GAREM1: variants seen among roughly 807,000 people sequenced by gnomAD.
GAREM1 encodes GRB2 associated regulator of MAPK1 subtype 1.
In GAREM1, 26 loss-of-function variants were observed where a neutral mutation model predicts 71.3. The observed-to-expected ratio is 0.36, with a 90% CI of 0.27 to 0.51. GAREM1 has a LOEUF of 0.51. Ranked by LOEUF, GAREM1 falls within the 20% of genes least tolerant of loss-of-function variation. The pLI is 0.95. For missense variants in GAREM1, 1,026 were observed against 1,103.1 expected (o/e 0.93, Z 0.99); for synonymous variants, 440 against 433.2 (o/e 1.02, Z -0.20).
In GAREM1 at chr18:32,398,810, C is replaced by A. The variant is rs538844028; in HGVS notation, c.122-5775G>T. Among the ~76,000 whole-genome samples, 1,395 of 152,274 alleles carry A rather than the reference C, an allele frequency of 9.2e-3. 26 individuals carry two copies. The highest frequency in any genetic ancestry group is 0.032 in the African/African-American group (1,321 of 41,546). The stretch of plus-strand genomic sequence containing the variant: ...GAAAAAGAGGGAATCCTCCCTAACT[C>A]ATTTTATGAGGCCAGCATCATCCTG... On this transcript the variant is annotated intron_variant, in intron 1 of 5. Coordinates refer to ENST00000269209, the MANE Select transcript of GAREM1 (RefSeq NM_001242409.2).
In GAREM1 at chr18:32,310,200, T is replaced by C. The variant is rs146454381; in HGVS notation, c.386A>G (p.Asn129Ser). 5.3e-5 allele frequency: 86 copies of C among 1,613,950 alleles called. No individual in the cohort carries two copies. The African/African-American group carries it at 7.9e-4, about 15-fold the overall frequency. Residue 129 changes from asparagine to serine, a missense_variant, in exon 3 of 6, where the codon AAC becomes AGC. This residue lies in a region of GAREM1 where 172 missense variants were observed against 175.2 expected (regional missense o/e 0.98). Coordinates refer to ENST00000269209, the MANE Select transcript of GAREM1 (RefSeq NM_001242409.2). ...TGCTTCAAGAGCTACTACCTTCACGTTGAATGTGATATCCTCCATGACGTA... is the reference window on the plus strand; with the variant it reads ...TGCTTCAAGAGCTACTACCTTCACGCTGAATGTGATATCCTCCATGACGTA... ...RVYVMEDITF[N>S]VKVASGECNE...
At chr18:32,427,665 A>T (rs1437400952) in intron 1 of GAREM1, among the ~76,000 whole-genome samples, 1 of 152,192 alleles carries the variant, frequency 6.6e-6, no homozygotes, top group South Asian at 2.1e-4. Context: ...TCAAAATCAG[A>T]CACGTGAAGA....
rs2041399043 is a variant in GAREM1, at chr18:32,268,027, C to A, written c.2475G>T (p.Leu825Phe). The A allele has an allele frequency of 6.2e-7, 1 of 1,614,118 alleles. No individual in the cohort carries two copies. The highest frequency in any genetic ancestry group is 8.5e-7 in the Non-Finnish European group (1 of 1,180,016). ...EVSKSLRFIG[L>F]SEDVISFFVT... ...CAAAGAATGATATGACATCTTCGGA[C>A]AAACCAATGAACCGTAGTGACTTGG... Residue 825 changes from leucine (L) to phenylalanine (F), a missense_variant, in exon 6 of 6, where the codon TTG becomes TTT. By Grantham distance (22) the Leu-to-Phe change is conservative (BLOSUM62 0). Around this residue, in one of 3 missense-constraint regions of GAREM1, gnomAD observed 636 missense variants for 631.2 expected, o/e 1.01. Transcript: ENST00000269209.
At chr18:32,349,493 A>T (rs1329796370) in intron 2 of GAREM1, among the ~76,000 whole-genome samples, 2 of 152,238 alleles carry the variant, frequency 1.3e-5, no homozygotes, top group African/African-American at 4.8e-5. Context: ...AAGGTATCAG[A>T]ATTCATCTGA....
chr18:32,278,444 C>T (rs1175013225), intron 4 of GAREM1, among the ~76,000 whole-genome samples: 2 of 152,122 alleles, frequency 1.3e-5, no homozygotes, highest in Non-Finnish European at 2.9e-5. Flanking sequence ...TCCATATTGA[C>T]AATGATTAAG....
chr18:32,341,379 T>C (rs2047646189), intron 2 of GAREM1, among the ~76,000 whole-genome samples: 1 of 152,218 alleles, frequency 6.6e-6, no homozygotes, highest in Admixed American at 6.5e-5. Context: ...AGTCTATCAT[T>C]GATGGACATC....
At chr18:32,404,084 G>T (rs1341012569) in intron 1 of GAREM1, among the ~76,000 whole-genome samples, 1 of 152,076 alleles carries the variant, frequency 6.6e-6, no homozygotes, top group Non-Finnish European at 1.5e-5. Flanking sequence ...TATGCTGATT[G>T]TAAGTATTTC....
At chr18:32,275,487 TTA>T (rs1487487405) in intron 4 of GAREM1, among the ~76,000 whole-genome samples, 1 of 152,182 alleles carries the variant, frequency 6.6e-6, no homozygotes, top group Non-Finnish European at 1.5e-5. Flanking sequence ...TAATTTCAGG[TTA>T]TGAGTACCTT....
At chr18:32,319,473 T>C (rs958053843) in intron 2 of GAREM1, among the ~76,000 whole-genome samples, 3 of 152,228 alleles carry the variant, frequency 2.0e-5, no homozygotes, top group African/African-American at 7.2e-5. Context: ...CAATATATAT[T>C]GCCTTTTTAA....
chr18:32,387,655 C>A (rs1424098921), intron 2 of GAREM1, among the ~76,000 whole-genome samples: 1 of 152,170 alleles, frequency 6.6e-6, no homozygotes, highest in African/African-American at 2.4e-5. Context: ...CACCTTTTGT[C>A]TAAAACTTAT....
At chr18:32,412,149 G>A (rs2048426098) in intron 1 of GAREM1, 5 of 1,244,886 alleles carry the variant, frequency 4.0e-6, no homozygotes. Context: ...TCACAAATCT[G>A]TTGTAACCTG....
chr18:32,388,655 G>T (rs561268699), intron 2 of GAREM1, among the ~76,000 whole-genome samples: 2 of 152,282 alleles, frequency 1.3e-5, no homozygotes, highest in South Asian at 4.2e-4. Context: ...ACGAGGACAC[G>T]GGGAAACCCA....
At chr18:32,343,372 T>G (rs2047666205) in intron 2 of GAREM1, among the ~76,000 whole-genome samples, 1 of 146,724 alleles carries the variant, frequency 6.8e-6, no homozygotes, top group African/African-American at 2.6e-5. Context: ...TGGGGTGCAG[T>G]GGCGCGATCT....
At chr18:32,388,155 G>A (rs1457431560) in intron 2 of GAREM1, among the ~76,000 whole-genome samples, 1 of 152,088 alleles carries the variant, frequency 6.6e-6, no homozygotes, top group Non-Finnish European at 1.5e-5. Context: ...GAGAAACATA[G>A]GACCATTTGA....
At position 32,315,370 on chromosome 18, in the gene GAREM1, C is replaced by T. The variant is rs952074086; in HGVS notation, c.263-5047G>A. 2.0e-5 allele frequency among the ~76,000 whole-genome samples: 3 copies of T among 148,174 alleles called. 1 individual carries two copies. Among genetic ancestry groups the T allele is most frequent in the Admixed American group, 2.0e-4 (3 of 14,838 alleles). ...TTTAAATAACATATTTTATTTAAAC[C>T]AATACATCTAAATTCAATTAAACAT... On this transcript the variant is annotated intron_variant, in intron 2 of 5. Coordinates refer to ENST00000269209, the MANE Select transcript of GAREM1 (RefSeq NM_001242409.2).
intron 1 of GAREM1, among the ~76,000 whole-genome samples, chr18:32,393,551 TCAC>T (rs780804909): frequency 6.6e-6 from 1 of 152,166 alleles, no homozygotes; most frequent in Admixed American, 6.5e-5. Context: ...TATGATTTAA[TCAC>T]CACAATAAAG....
intron 2 of GAREM1, 78 bp downstream of exon 2, chr18:32,392,817 C>A: frequency 1.3e-6 from 2 of 1,482,846 alleles, no homozygotes; most frequent in South Asian, 1.3e-5. Flanking sequence ...AGTTTACAGA[C>A]AATTCTTAGA....
chr18:32,312,321 C>T (rs528514971), intron 2 of GAREM1, among the ~76,000 whole-genome samples: 1 of 152,228 alleles, frequency 6.6e-6, no homozygotes, highest in South Asian at 2.1e-4. Context: ...AAGGACCGGC[C>T]AGGGGAGTGA....
chr18:32,422,078 T>C (rs979457184), intron 1 of GAREM1, among the ~76,000 whole-genome samples: 7 of 152,094 alleles, frequency 4.6e-5, no homozygotes, highest in African/African-American at 1.7e-4. Flanking sequence ...CATGTTGGTG[T>C]GCTGCACCCA....
Sources: gnomAD v4.1 joint callset for allele counts (sites outside exome capture counted in the v4.1 genomes callset) on GRCh38, gnomAD v4.1.1 for gene constraint, gnomAD v4.1.1 regional missense constraint, MANE v1.5 for transcripts, NCBI Gene and HGNC (gene_info 2026-07-23, HGNC 2026-07-21) for gene names.